The following MYO16 variants were observed in gnomAD, a reference collection of about 807,000 sequenced individuals.
MYO16 encodes unconventional myosin-XVI.
Under a neutral mutation model 205.3 loss-of-function variants are expected in MYO16, and 94 were observed. The ratio of observed to expected loss-of-function variants is 0.46; its 90% CI spans 0.39 to 0.54. The LOEUF is 0.54. MYO16 is among the 20% of genes least tolerant of loss of function. MYO16 has a pLI of 0.00. For synonymous variants in MYO16, 988 were observed against 954.0 expected (o/e 1.04, Z -0.66); for missense variants, 2,315 against 2,387.5 (o/e 0.97, Z 0.63).
chr13:109,071,018 T>C (rs1004599364), intron 27 of MYO16, among the ~76,000 whole-genome samples: 2 of 152,170 alleles, frequency 1.3e-5, no homozygotes, highest in Admixed American at 6.5e-5. Context: ...GCACTTGAAC[T>C]TGAAAACTTA....
At chr13:108,607,788 A>C (rs1229242254) in intron 1 of MYO16, among the ~76,000 whole-genome samples, 1 of 152,140 alleles carries the variant, frequency 6.6e-6, no homozygotes, top group Non-Finnish European at 1.5e-5. Flanking sequence ...CAATGTGCTC[A>C]CACTTTCTCC....
At chr13:108,603,432 A>T (rs1878838201) in intron 1 of MYO16, among the ~76,000 whole-genome samples, 1 of 152,202 alleles carries the variant, frequency 6.6e-6, no homozygotes, top group African/African-American at 2.4e-5. Context: ...TATGTTATTC[A>T]TCAATTTCAT....
intron 28 of MYO16, among the ~76,000 whole-genome samples, chr13:109,106,635 A>T (rs753199383): frequency 2.0e-5 from 3 of 152,214 alleles, no homozygotes; most frequent in Non-Finnish European, 2.9e-5. Context: ...TTTTAAAGCC[A>T]TCTGGAGGGA....
chr13:108,898,984 C>T (rs971172151), intron 15 of MYO16, among the ~76,000 whole-genome samples: 25 of 152,180 alleles, frequency 1.6e-4, no homozygotes, highest in African/African-American at 6.0e-4. Context: ...TTTAATTTTA[C>T]TTGGCTTTTT....
chr13:109,047,422 C>G (rs1426128228), intron 24 of MYO16, among the ~76,000 whole-genome samples: 1 of 151,896 alleles, frequency 6.6e-6, no homozygotes, highest in African/African-American at 2.4e-5. Flanking sequence ...TTCATGCTCA[C>G]TATGTAGGAG....
chr13:109,163,361 C>T lies in MYO16; in HGVS notation c.5165-1540C>T, dbSNP rs377572020. Among the ~76,000 whole-genome samples the T allele has an allele frequency of 2.1e-3, 317 of 152,140 alleles. 3 individuals are homozygous for T. The highest frequency in any genetic ancestry group is 7.3e-3 in the African/African-American group (303 of 41,480). ...TGTAGTGCTATTTGAGGGTATGTCT[C>T]GAGAGGCAAGAGGAGATAATGTCAA... On this transcript the variant is annotated intron_variant, in intron 32 of 34. Transcript: ENST00000457511.
At chr13:109,188,228 A>G (rs1478399638) in intron 34 of MYO16, among the ~76,000 whole-genome samples, 1 of 152,204 alleles carries the variant, frequency 6.6e-6, no homozygotes, top group Non-Finnish European at 1.5e-5. Flanking sequence ...TTATCAAGAT[A>G]TAATTCACAT....
At chr13:109,205,274 T>TAAAC (rs1880552047) in intron 34 of MYO16, among the ~76,000 whole-genome samples, 1 of 152,190 alleles carries the variant, frequency 6.6e-6, no homozygotes, top group African/African-American at 2.4e-5. Context: ...CTTCATGCTG[T>TAAAC]AAACATCATC....
intron 2 of MYO16, among the ~76,000 whole-genome samples, chr13:108,668,439 A>AT (rs749095130): frequency 1.3e-5 from 2 of 152,190 alleles, no homozygotes; most frequent in Non-Finnish European, 2.9e-5. Context: ...ACCAAAACAA[A>AT]TTATCACGAA....
intron 5 of MYO16, among the ~76,000 whole-genome samples, chr13:108,791,898 T>G (rs913429359): frequency 2.6e-5 from 4 of 152,202 alleles, no homozygotes; most frequent in Admixed American, 2.6e-4. Flanking sequence ...TATTCTTGGG[T>G]CCGCTGTGCT....
At chr13:108,772,828 T>A (rs1412136886) in intron 4 of MYO16, among the ~76,000 whole-genome samples, 2 of 151,748 alleles carry the variant, frequency 1.3e-5, no homozygotes, top group Admixed American at 1.3e-4. Flanking sequence ...CGGGGGAGGA[T>A]AAAAAAGAAA....
intron 24 of MYO16, among the ~76,000 whole-genome samples, chr13:109,050,212 G>A (rs1594502729): frequency 6.6e-6 from 1 of 151,750 alleles, no homozygotes; most frequent in Non-Finnish European, 1.5e-5. Flanking sequence ...ATTGCATTTA[G>A]TTATCATTTT....
At chr13:109,109,240 C>T (rs1263520777) in intron 28 of MYO16, among the ~76,000 whole-genome samples, 4 of 152,256 alleles carry the variant, frequency 2.6e-5, no homozygotes, top group South Asian at 2.1e-4. Flanking sequence ...TTACTGAGCA[C>T]GTATTATATG....
At chr13:108,589,224 C>T in the MYO16 span, among the ~76,000 whole-genome samples, 1 of 152,174 alleles carries the variant, frequency 6.6e-6, no homozygotes. Flanking sequence ...CTTAGTTTTA[C>T]ATAAACCACA....
intron 27 of MYO16, among the ~76,000 whole-genome samples, chr13:109,091,813 C>T (rs1350694234): frequency 1.3e-5 from 2 of 152,030 alleles, no homozygotes; most frequent in Admixed American, 6.6e-5. Context: ...TGGAAGAGCA[C>T]GAGGTTAATG....
At chr13:108,531,962 T>A in the MYO16 span, among the ~76,000 whole-genome samples, 1 of 152,076 alleles carries the variant, frequency 6.6e-6, no homozygotes, top group East Asian at 1.9e-4. Flanking sequence ...ATCCTAGCAC[T>A]TTGGGAGGCC....
At chr13:108,991,111 G>A (rs1043367377) in intron 20 of MYO16, among the ~76,000 whole-genome samples, 3 of 152,174 alleles carry the variant, frequency 2.0e-5, no homozygotes, top group Non-Finnish European at 4.4e-5. Context: ...ATGTGGAAGA[G>A]GTGGGGTACG....
In MYO16 at chr13:108,962,405, A is replaced by C; in HGVS notation, c.2156-19A>C. ...AAAAATATACTAACTTTATGTTTATAATGCTGATTTAATTTTAGTGGCTGG... is the reference window on the plus strand; with the variant it reads ...AAAAATATACTAACTTTATGTTTATCATGCTGATTTAATTTTAGTGGCTGG... On this transcript the variant is annotated intron_variant, in intron 18 of 34. Transcript: ENST00000457511. 1 of 1,592,198 alleles carries C rather than the reference A, an allele frequency of 6.3e-7. No homozygotes were observed. The highest frequency in any genetic ancestry group is 8.6e-7 in the Non-Finnish European group (1 of 1,166,308).
intron 4 of MYO16, among the ~76,000 whole-genome samples, chr13:108,758,150 C>A (rs1220973063): frequency 6.6e-6 from 1 of 152,204 alleles, no homozygotes; most frequent in Middle Eastern, 3.4e-3. Context: ...AATCTTCAGG[C>A]GACTTGGTCT....
Sources: allele counts gnomAD v4.1 joint callset (sites outside exome capture counted in the v4.1 genomes callset), GRCh38; gene constraint gnomAD v4.1.1; transcripts MANE v1.5; gene names NCBI Gene and HGNC (gene_info 2026-07-23, HGNC 2026-07-21).